The following CNTRL variants were observed in gnomAD, a reference collection of about 807,000 sequenced individuals.
CNTRL encodes centriolin.
A neutral mutation model predicts 303.7 loss-of-function variants in CNTRL; 233 were observed. The observed-to-expected ratio is 0.77, with a 90% CI of 0.69 to 0.86. The LOEUF is 0.86. Among genes scored for constraint, CNTRL ranks in the 40% least tolerant of loss-of-function variants. CNTRL has a pLI of 0.00. For missense variants in CNTRL, 2,524 were observed against 2,650.6 expected, an observed-to-expected ratio of 0.95 and a Z score of 1.05; for synonymous variants, 900 against 922.2, an observed-to-expected ratio of 0.98 and a Z score of 0.44.
At chr9:121,150,581 T>C in intron 25 of CNTRL, 98 bp downstream of exon 25, 1 of 1,111,586 alleles carries the variant, frequency 9.0e-7, no homozygotes, top group South Asian at 1.4e-5. Flanking sequence ...GACTGGATTA[T>C]ATGGCAAAGT....
chr9:121,109,354 A>G (rs1442308404), intron 8 of CNTRL, among the ~76,000 whole-genome samples: 2 of 152,190 alleles, frequency 1.3e-5, no homozygotes, highest in Non-Finnish European at 2.9e-5. Context: ...TAGACTGTAT[A>G]TTATTATTCA....
At chr9:121,155,896 T>A (rs1302050785) in intron 27 of CNTRL, among the ~76,000 whole-genome samples, 2 of 152,334 alleles carry the variant, frequency 1.3e-5, no homozygotes, top group South Asian at 2.1e-4. Context: ...CCTCAGGAAC[T>A]ATTATTTGTA....
At chr9:121,080,948 A>G (rs1022859532) in intron 2 of CNTRL, among the ~76,000 whole-genome samples, 7 of 152,230 alleles carry the variant, frequency 4.6e-5, no homozygotes, top group Admixed American at 2.6e-4. Context: ...AATGCAGAAA[A>G]AATTATCCGT....
chr9:121,135,206 TATC>T (rs1222506144), intron 14 of CNTRL, among the ~76,000 whole-genome samples: 8 of 152,232 alleles, frequency 5.3e-5, no homozygotes, highest in African/African-American at 1.9e-4. Flanking sequence ...AAGGTACTCT[TATC>T]ATCCTTAATA....
In CNTRL at chr9:121,112,509, G is replaced by C; in HGVS notation, c.1053G>C (p.Glu351Asp). The change falls in exon 9 of 44, where the codon GAG (glutamate) becomes GAC (aspartate). Residue 351 changes from glutamate (E) to aspartate (D), a missense_variant. Coordinates refer to ENST00000373855, the MANE Select transcript of CNTRL (RefSeq NM_007018.6). ...CACGAGCATGTCAGAAGCAATATGA[G>C]CTGGAACAGGAATTGGCCTTTTATA... ...ELTRACQKQY[E>D]LEQELAFYKI... 1.9e-6 allele frequency: 3 copies of C among 1,612,850 alleles called. No individual in the cohort carries two copies. The highest frequency in any genetic ancestry group is 2.5e-6 in the Non-Finnish European group (3 of 1,179,022).
At position 121,142,200 on chromosome 9, in the gene CNTRL, ATCTCCAACTT is replaced by A. The variant is rs1173065491; in HGVS notation, c.2802_2811del (p.Leu935ArgfsTer17). 11 of 1,612,450 alleles carry A rather than the reference ATCTCCAACTT, an allele frequency of 6.8e-6. No homozygotes were observed. The highest frequency in any genetic ancestry group is 9.3e-6 in the Non-Finnish European group (11 of 1,179,448). On this transcript the variant is annotated frameshift_variant, in exon 19 of 44. Transcript: ENST00000373855. LOFTEE classifies it high-confidence loss of function. Reference sequence around the variant, plus strand: ...ATGGAGGAAATCCAAGGCCTTACAGATCTCCAACTTCAGGAAGCTGATGAAGAGAAGGAGA... The same window carrying A: ...ATGGAGGAAATCCAAGGCCTTACAGACAGGAAGCTGATGAAGAGAAGGAGA...
intron 10 of CNTRL, 57 bp downstream of exon 10, chr9:121,113,781 AG>A (rs2049858627): frequency 8.3e-7 from 1 of 1,203,008 alleles, no homozygotes; most frequent in Admixed American, 3.4e-5. Context: ...TTGAATATGT[AG>A]GCCAATTTTG....
intron 12 of CNTRL, among the ~76,000 whole-genome samples, chr9:121,121,044 TAATC>T (rs1299607269): frequency 6.6e-6 from 1 of 152,156 alleles, no homozygotes; most frequent in African/African-American, 2.4e-5. Flanking sequence ...AGAAGAGAAA[TAATC>T]AAGAGTGAGA....
At chr9:121,116,185 A>T (rs2049967279) in intron 11 of CNTRL, among the ~76,000 whole-genome samples, 2 of 152,204 alleles carry the variant, frequency 1.3e-5, no homozygotes, top group South Asian at 4.1e-4. Flanking sequence ...TGAAGAGGTG[A>T]CAGGCTAAGA....
chr9:121,149,716 T>C (rs2052105073), intron 24 of CNTRL, among the ~76,000 whole-genome samples: 1 of 152,202 alleles, frequency 6.6e-6, no homozygotes, highest in Non-Finnish European at 1.5e-5. Flanking sequence ...CAGGAAGTGC[T>C]TATTGACTGC....
chr9:121,153,323 G>A (rs969053857), intron 26 of CNTRL, among the ~76,000 whole-genome samples: 1 of 152,058 alleles, frequency 6.6e-6, no homozygotes, highest in Non-Finnish European at 1.5e-5. Context: ...AAATCCACCC[G>A]TCTTTTTCTT....
chr9:121,173,153 G>A, intron 40 of CNTRL, 90 bp from the exon 41 acceptor site: 1 of 1,184,104 alleles, frequency 8.4e-7, no homozygotes, highest in Non-Finnish European at 1.2e-6. Context: ...GATATTTATA[G>A]ATCTTTAAAT....
intron 42 of CNTRL, among the ~76,000 whole-genome samples, chr9:121,174,237 T>C (rs2053432809): frequency 6.6e-6 from 1 of 152,036 alleles, no homozygotes; most frequent in South Asian, 2.1e-4. Flanking sequence ...GACCTAAAGA[T>C]TTGAGAGTTA....
intron 39 of CNTRL, 97 bp downstream of exon 39, chr9:121,169,913 CAACCCAGTCCTG>C (rs1302566378): frequency 1.3e-5 from 13 of 968,760 alleles, no homozygotes; most frequent in Non-Finnish European, 2.0e-5. Context: ...AATTACCCAT[CAACCCAGTCCTG>C]AACCCAGCTG....
At position 121,124,034 on chromosome 9, in the gene CNTRL, T is replaced by C. The variant is rs1156426712; in HGVS notation, c.1754T>C (p.Ile585Thr). 1.9e-6 allele frequency: 3 copies of C among 1,613,120 alleles called. No homozygotes were observed. In the South Asian group the frequency reaches 3.3e-5, roughly 18 times the overall value. ...ESRLDEILSRIAKETEEIKDL... is the reference protein window; with the variant it reads ...ESRLDEILSRTAKETEEIKDL... ...CGTTTGGATGAGATACTTTCTAGAA[T>C]TGCTAAGGAAACGGAAGAGATTAAG... Residue 585 changes from isoleucine (I) to threonine (T), a missense_variant, in exon 13 of 44, where the codon ATT (isoleucine) becomes ACT (threonine). Physicochemically the swap from Ile to Thr is moderately conservative, Grantham distance 89 (BLOSUM62 -1). Transcript: ENST00000373855.
intron 14 of CNTRL, among the ~76,000 whole-genome samples, chr9:121,131,955 A>G (rs2050886638): frequency 6.6e-6 from 1 of 152,206 alleles, no homozygotes; most frequent in Non-Finnish European, 1.5e-5. Context: ...AATGTTGAAT[A>G]TTGGCCTCTA....
At position 121,144,874 on chromosome 9, in the gene CNTRL, A is replaced by G. The variant is rs1166767614; in HGVS notation, c.3083A>G (p.Lys1028Arg). 12 of 1,613,414 alleles carry G rather than the reference A, an allele frequency of 7.4e-6. No homozygotes were observed. Among genetic ancestry groups the G allele is most frequent in the East Asian group, 2.2e-5 (1 of 44,878 alleles). Residue 1028 changes from lysine (K) to arginine (R), a missense_variant, in exon 21 of 44, where the codon AAG becomes AGG. Physicochemically the swap from Lys to Arg is conservative, Grantham distance 26. Coordinates refer to ENST00000373855, the MANE Select transcript of CNTRL (RefSeq NM_007018.6). ...CAGGAAGCAGAGAGGTTCAGCAGAA[A>G]GGCAGCACAAGCAGCCAGAGATCTC... ...ELQEAERFSRKAAQAARDLTR... is the reference protein window; with the variant it reads ...ELQEAERFSRRAAQAARDLTR...
At position 121,176,303 on chromosome 9, in the gene CNTRL, A is replaced by G. The variant is rs554029402; in HGVS notation, c.6955-860A>G. 6.0e-4 allele frequency among the ~76,000 whole-genome samples: 91 copies of G among 152,348 alleles called. 1 individual carries two copies. The highest frequency in any genetic ancestry group is 5.4e-3 in the Admixed American group (83 of 15,304). Reference sequence around the variant, plus strand: ...AGTATATTTTAATGGTGGAGCCACAAGGAGCTTTCAAGGACAGTTGCCTCT... The same window carrying G: ...AGTATATTTTAATGGTGGAGCCACAGGGAGCTTTCAAGGACAGTTGCCTCT... On this transcript the variant is annotated intron_variant, in intron 43 of 43. Coordinates refer to ENST00000373855, the MANE Select transcript of CNTRL (RefSeq NM_007018.6).
chr9:121,172,190 A>C (rs1419655767), intron 40 of CNTRL, among the ~76,000 whole-genome samples: 7 of 152,220 alleles, frequency 4.6e-5, no homozygotes, highest in Admixed American at 4.6e-4. Context: ...ATAACCAAAA[A>C]AAAATTATTT....
Sources: gnomAD v4.1 joint callset for allele counts (sites outside exome capture counted in the v4.1 genomes callset) on GRCh38, gnomAD v4.1.1 for gene constraint, MANE v1.5 for transcripts, NCBI Gene and HGNC (gene_info 2026-07-23, HGNC 2026-07-21) for gene names.